The following QKI variants were observed in gnomAD, a reference collection of about 807,000 sequenced individuals.
QKI encodes KH domain-containing RNA-binding protein QKI.
A neutral mutation model predicts 39.0 loss-of-function variants in QKI; 10 were observed. That is an observed-to-expected ratio of 0.26 (90% CI 0.16 to 0.43). QKI has a LOEUF of 0.43. QKI is among the 20% of genes least tolerant of loss of function. The probability of loss-of-function intolerance (pLI) is 1.00; values close to 1 mark genes in which losing one functional copy is unlikely to be tolerated. For missense variants in QKI, 218 were observed against 428.0 expected (o/e 0.51, Z 4.33); for synonymous variants, 204 against 155.4 (o/e 1.31, Z -2.33).
Position 163,479,863 on chromosome 6 carries a change from A to G in QKI, c.402+967A>G, listed in dbSNP as rs146800888. Reference sequence around the variant, plus strand: ...GATGAGATTTAAATAAGAATGGTCAAATAACTTTGGATGTATGTCAGATCA... The same window carrying G: ...GATGAGATTTAAATAAGAATGGTCAGATAACTTTGGATGTATGTCAGATCA... On this transcript the variant is annotated intron_variant, in intron 3 of 7. Transcript: ENST00000361752. Among the ~76,000 whole-genome samples the G allele has an allele frequency of 1.8e-4, 27 of 152,352 alleles. No individual in the cohort carries two copies. The East Asian group carries it at 3.5e-3, about 20-fold the overall frequency.
In QKI at chr6:163,419,610, C is replaced by G. The variant is rs191839833; in HGVS notation, c.142+4275C>G. 1.4e-4 allele frequency among the ~76,000 whole-genome samples: 22 copies of G among 152,222 alleles called. No individual in the cohort carries two copies. In the East Asian group the frequency reaches 3.9e-3, roughly 27 times the overall value. On this transcript the variant is annotated intron_variant, in intron 1 of 7. Transcript: ENST00000361752. Reference sequence around the variant, plus strand: ...TTTCTCACCCAGGAGGTGTCAGCAGCTATATATTGGCAGTCACGGAAAAGA... The same window carrying G: ...TTTCTCACCCAGGAGGTGTCAGCAGGTATATATTGGCAGTCACGGAAAAGA...
chr6:163,495,580 A>G (rs188164639), intron 3 of QKI, among the ~76,000 whole-genome samples: 1 of 152,262 alleles, frequency 6.6e-6, no homozygotes, highest in Non-Finnish European at 1.5e-5. Context: ...TTATTACAAT[A>G]TTGTTATTTG....
chr6:163,520,166 G>A (rs1471877739), intron 3 of QKI, among the ~76,000 whole-genome samples: 1 of 152,074 alleles, frequency 6.6e-6, no homozygotes, highest in East Asian at 1.9e-4. Context: ...TACTTGAAAT[G>A]ATTTTTAATG....
intron 1 of QKI, among the ~76,000 whole-genome samples, chr6:163,450,351 A>G (rs11964587): frequency 3.3e-5 from 5 of 152,014 alleles, no homozygotes; most frequent in Non-Finnish European, 4.4e-5. Flanking sequence ...ATCCACCACA[A>G]CCGGCCCAGT....
intron 1 of QKI, among the ~76,000 whole-genome samples, chr6:163,419,260 T>A (rs555875189): frequency 1.3e-5 from 2 of 152,230 alleles, no homozygotes; most frequent in South Asian, 4.1e-4. Context: ...TTTTCACTTC[T>A]TCTGCCTCTG....
chr6:163,480,372 G>A (rs532696474), intron 3 of QKI, among the ~76,000 whole-genome samples: 6 of 151,818 alleles, frequency 4.0e-5, no homozygotes, highest in African/African-American at 1.5e-4. Context: ...ACGCTGAATC[G>A]CTTTGTGGAA....
At chr6:163,519,771 A>G (rs1364953183) in intron 3 of QKI, among the ~76,000 whole-genome samples, 1 of 152,112 alleles carries the variant, frequency 6.6e-6, no homozygotes, top group East Asian at 1.9e-4. Flanking sequence ...ATAATTATTA[A>G]TGATAGCTTA....
intron 1 of QKI, among the ~76,000 whole-genome samples, chr6:163,439,928 A>T (rs1412646091): frequency 1.3e-5 from 2 of 152,074 alleles, no homozygotes; most frequent in Non-Finnish European, 1.5e-5. Context: ...GGAATTACAG[A>T]CGTGAGCTAC....
chr6:163,557,853 G>T (rs535455714), intron 4 of QKI, among the ~76,000 whole-genome samples: 7 of 151,050 alleles, frequency 4.6e-5, no homozygotes, highest in Middle Eastern at 3.4e-3. Flanking sequence ...ACTGGATATT[G>T]CACTTAAGAT....
intron 3 of QKI, among the ~76,000 whole-genome samples, chr6:163,502,977 T>A (rs1583111623): frequency 6.6e-6 from 1 of 152,286 alleles, no homozygotes; most frequent in Non-Finnish European, 1.5e-5. Context: ...AGTATATAAA[T>A]GTTCTCTTTT....
chr6:163,562,163 A>C (rs1783067827), intron 5 of QKI, 94 bp downstream of exon 5: 1 of 763,278 alleles, frequency 1.3e-6, no homozygotes, highest in Non-Finnish European at 2.0e-6. Flanking sequence ...TAGTTCATAC[A>C]AAGTGAACAG....
intron 3 of QKI, among the ~76,000 whole-genome samples, chr6:163,493,938 A>G (rs1226873096): frequency 1.3e-5 from 2 of 152,192 alleles, no homozygotes; most frequent in Admixed American, 6.5e-5. Context: ...CATTGCTGCC[A>G]TCTGTAAACC....
chr6:163,419,254 C>T (rs1477641396), intron 1 of QKI, among the ~76,000 whole-genome samples: 3 of 151,902 alleles, frequency 2.0e-5, no homozygotes, highest in Non-Finnish European at 2.9e-5. Flanking sequence ...TGTTTATTTT[C>T]ACTTCTTCTG....
At chr6:163,453,639 AAG>A (rs1178977841) in intron 1 of QKI, among the ~76,000 whole-genome samples, 1 of 152,196 alleles carries the variant, frequency 6.6e-6, no homozygotes, top group Non-Finnish European at 1.5e-5. Flanking sequence ...ATTATTAGGA[AAG>A]ATTTAATTAT....
intron 3 of QKI, among the ~76,000 whole-genome samples, chr6:163,523,002 C>T (rs1780253384): frequency 6.6e-6 from 1 of 152,144 alleles, no homozygotes; most frequent in African/African-American, 2.4e-5. Context: ...CCTTTTATAA[C>T]GTAATGAGCT....
intron 4 of QKI, among the ~76,000 whole-genome samples, chr6:163,551,439 T>C (rs1487724851): frequency 6.6e-6 from 1 of 152,242 alleles, no homozygotes; most frequent in Admixed American, 6.5e-5. Flanking sequence ...TAGCTTAGCC[T>C]AACTCTGAGG....
At chr6:163,448,286 A>G (rs1004752993) in intron 1 of QKI, among the ~76,000 whole-genome samples, 3 of 150,164 alleles carry the variant, frequency 2.0e-5, no homozygotes, top group African/African-American at 7.3e-5. Flanking sequence ...ACAGAGTACA[A>G]TTTAACCCTT....
At position 163,575,682 on chromosome 6, in the gene QKI, G is replaced by T. The variant is rs1783940896; in HGVS notation, c.*4972G>T. 6.6e-6 allele frequency: 1 copy of T among 152,114 alleles called. No homozygotes were observed. Among genetic ancestry groups the T allele is most frequent in the African/African-American group, 2.4e-5 (1 of 41,420 alleles). 9.4% of individuals were successfully genotyped at this position (152,114 alleles called of 1,614,324 possible). A position where few individuals can be genotyped will look rare whatever the true frequency, so the allele number is the denominator to read the frequency against. ...GGATGTGCATACGTACACACAATCG[G>T]TGTCTGGTTATGGTTTTCTAAACAC... On this transcript the variant is annotated 3_prime_UTR_variant, in exon 8 of 8. Coordinates refer to ENST00000361752, the MANE Select transcript of QKI (RefSeq NM_006775.3).
chr6:163,566,929 G>C lies in QKI; in HGVS notation c.1009+134G>C, dbSNP rs1783398740. 2.1e-6 allele frequency: 3 copies of C among 1,444,232 alleles called. No homozygotes were observed. In the African/African-American group the frequency reaches 4.3e-5, roughly 21 times the overall value. The allele number at this position is 1,444,232 out of a possible 1,614,324, so 89.5% of individuals were successfully genotyped here. A position where few individuals can be genotyped will look rare whatever the true frequency, so the allele number is the denominator to read the frequency against. On this transcript the variant is annotated intron_variant, in intron 7 of 7. Transcript: ENST00000361752. ...TTTTTCCTTTTCTAAATTTGTTTGT[G>C]ATCATTGACAGATTTAAGGGTTGGG... is the stretch of plus-strand genomic sequence containing the variant.
Sources: allele counts gnomAD v4.1 joint callset (sites outside exome capture counted in the v4.1 genomes callset), GRCh38; gene constraint gnomAD v4.1.1; transcripts MANE v1.5; gene names NCBI Gene and HGNC (gene_info 2026-07-23, HGNC 2026-07-21).